The following GRAP2 variants were observed in gnomAD, a reference collection of about 807,000 sequenced individuals.
GRAP2 encodes the protein GRB2 related adaptor protein 2, also known as GRB2-related adapter protein 2.
A neutral mutation model predicts 43.5 loss-of-function variants in GRAP2; 31 were observed. The ratio of observed to expected loss-of-function variants is 0.71; its 90% CI spans 0.54 to 0.96. The LOEUF (loss-of-function observed/expected upper bound fraction) is 0.96, where lower values mean the gene tolerates loss of function less well. GRAP2 is among the 40% of genes least tolerant of loss of function. GRAP2 has a pLI of 0.00. For synonymous variants in GRAP2, 156 were observed against 164.8 expected, an observed-to-expected ratio of 0.95 and a Z score of 0.41; for missense variants, 371 against 424.4, an observed-to-expected ratio of 0.87 and a Z score of 1.11.
At chr22:39,916,329 CA>C (rs1485916764) in intron 1 of GRAP2, among the ~76,000 whole-genome samples, 1 of 152,158 alleles carries the variant, frequency 6.6e-6, no homozygotes. Flanking sequence ...TCCACGGACC[CA>C]AAACATCCTG....
chr22:39,910,567 C>T (rs1285680221), intron 1 of GRAP2, among the ~76,000 whole-genome samples: 1 of 151,962 alleles, frequency 6.6e-6, no homozygotes, highest in African/African-American at 2.4e-5. Context: ...CGCCACCACG[C>T]CCGGCTAATT....
chr22:39,920,963 C>T (rs1436551065), intron 1 of GRAP2, among the ~76,000 whole-genome samples: 1 of 151,552 alleles, frequency 6.6e-6, no homozygotes, highest in Non-Finnish European at 1.5e-5. Context: ...CACACACACA[C>T]ACACACACAC....
upstream of GRAP2, among the ~76,000 whole-genome samples, chr22:39,897,171 T>C (rs190901778): frequency 1.4e-3 from 217 of 152,286 alleles, 1 homozygote; most frequent in African/African-American, 5.0e-3. Context: ...CTCCTGGTCT[T>C]GCCTTCCAAA....
intron 1 of GRAP2, among the ~76,000 whole-genome samples, chr22:39,909,221 A>G (rs1272287283): frequency 3.3e-5 from 5 of 152,250 alleles, no homozygotes; most frequent in Non-Finnish European, 7.3e-5. Context: ...TTATGAGTTG[A>G]CACTTGGTAC....
the GRAP2 span, among the ~76,000 whole-genome samples, chr22:39,895,846 G>C: frequency 6.6e-6 from 1 of 152,316 alleles, no homozygotes; most frequent in Non-Finnish European, 1.5e-5. Context: ...AGGGGGACTT[G>C]TCTATATTTG....
chr22:39,960,625 G>A (rs2067109533), intron 4 of GRAP2: 1 of 159,014 alleles, frequency 6.3e-6, no homozygotes, highest in Non-Finnish European at 1.4e-5. Flanking sequence ...AGAAGAGTCA[G>A]AGAAAAATAG....
chr22:39,895,673 G>A, the GRAP2 span, among the ~76,000 whole-genome samples: 2 of 152,294 alleles, frequency 1.3e-5, no homozygotes, highest in South Asian at 2.1e-4. Context: ...TGTGGAATAT[G>A]CATACATTCT....
Position 39,901,331 on chromosome 22 carries a change from G to T in GRAP2, c.-15+1G>T, listed in dbSNP as rs1423297101. On this transcript the variant is annotated splice_donor_variant, in intron 1 of 7. Coordinates refer to ENST00000344138, the MANE Select transcript of GRAP2 (RefSeq NM_004810.4). LOFTEE classifies it low-confidence loss of function (5UTR_SPLICE). The stretch of plus-strand genomic sequence containing the variant: ...AACTCAACCCCTTCTCTTCCAAAAG[G>T]TATGTCATTATACAACATCTGTACA... 4 of 1,149,696 alleles carry T rather than the reference G, an allele frequency of 3.5e-6. No individual in the cohort carries two copies. The highest frequency in any genetic ancestry group is 1.6e-5 in the African/African-American group (1 of 63,186). The allele number at this position is 1,149,696 out of a possible 1,614,324, so 71.2% of individuals were successfully genotyped here.
Position 39,967,915 on chromosome 22 carries a change from C to T in GRAP2, c.460-127C>T, listed in dbSNP as rs1012605810. The T allele has an allele frequency of 1.8e-5, 22 of 1,202,054 alleles. No individual in the cohort carries two copies. In the Admixed American group the frequency reaches 2.9e-4, roughly 16 times the overall value. 74.5% of individuals were successfully genotyped at this position (1,202,054 alleles called of 1,614,324 possible). ...TAAAGCATCAATTATCTTTTAGCTGCCCCCACCCCACCAGCTATTTCTTGG... is the reference window on the plus strand; with the variant it reads ...TAAAGCATCAATTATCTTTTAGCTGTCCCCACCCCACCAGCTATTTCTTGG... On this transcript the variant is annotated intron_variant, in intron 5 of 7. Coordinates refer to ENST00000344138, the MANE Select transcript of GRAP2 (RefSeq NM_004810.4).
At chr22:39,949,808 G>A (rs1020033129) in intron 2 of GRAP2, among the ~76,000 whole-genome samples, 1 of 152,142 alleles carries the variant, frequency 6.6e-6, no homozygotes, top group African/African-American at 2.4e-5. Context: ...ATCCATCCCC[G>A]CTGCTTCTGA....
rs117722631 is a variant in GRAP2, at chr22:39,967,379, A to G, written c.460-663A>G. On this transcript the variant is annotated intron_variant, in intron 5 of 7. Transcript: ENST00000344138. ...GAGAAGCAATATAAAATTGCATTAA[A>G]TGGGATTAAATGAGTTGATATTTGT... Among the ~76,000 whole-genome samples the G allele has an allele frequency of 1.5e-4, 23 of 152,336 alleles. No individual in the cohort carries two copies. In the East Asian group the frequency reaches 3.1e-3, roughly 20 times the overall value.
chr22:39,933,928 G>A (rs572035650), intron 1 of GRAP2, among the ~76,000 whole-genome samples: 9 of 152,284 alleles, frequency 5.9e-5, no homozygotes, highest in African/African-American at 2.2e-4. Context: ...GGAGAATAGG[G>A]TGGAGGAGGA....
At chr22:39,897,198 C>A (rs2066469327), upstream of GRAP2, among the ~76,000 whole-genome samples, 1 of 152,164 alleles carries the variant, frequency 6.6e-6, no homozygotes, top group Admixed American at 6.5e-5. Context: ...CTCCCACGGT[C>A]TCTCCTGTCT....
At chr22:39,936,099 T>C (rs552952228) in intron 1 of GRAP2, among the ~76,000 whole-genome samples, 4 of 152,158 alleles carry the variant, frequency 2.6e-5, no homozygotes, top group African/African-American at 4.8e-5. Context: ...ATGATGTGAA[T>C]AGAAAATGAG....
chr22:39,971,064 G>T lies in GRAP2; in HGVS notation c.973G>T (p.Val325Leu), dbSNP rs1393524015. Residue 325 changes from valine to leucine, a missense_variant, in exon 8 of 8, where the codon GTG (valine) becomes TTG (leucine). By Grantham distance (32) the Val-to-Leu change is conservative. Transcript: ENST00000344138. ...NKLGLFPANY[V>L]APMTR ...GCTGGGCCTCTTCCCTGCCAACTAC[G>T]TGGCACCCATGACCCGATAAACTCT... The T allele has an allele frequency of 6.2e-7, 1 of 1,613,004 alleles. No individual in the cohort carries two copies. Among genetic ancestry groups the T allele is most frequent in the South Asian group, 1.1e-5 (1 of 91,002 alleles).
intron 4 of GRAP2, among the ~76,000 whole-genome samples, chr22:39,962,243 T>C (rs1022385355): frequency 1.3e-5 from 2 of 152,122 alleles, no homozygotes; most frequent in African/African-American, 4.8e-5. Context: ...GGGCAACTAG[T>C]GAGACCTCAT....
intron 1 of GRAP2, among the ~76,000 whole-genome samples, chr22:39,935,856 G>A (rs1454491693): frequency 6.6e-6 from 1 of 152,210 alleles, no homozygotes; most frequent in Non-Finnish European, 1.5e-5. Flanking sequence ...CCAGGGCACA[G>A]GCAGTGAGGA....
rs1010109754 is a variant in GRAP2, at chr22:39,973,671, G to A, written c.*2587G>A. On this transcript the variant is annotated 3_prime_UTR_variant, in exon 8 of 8. Transcript: ENST00000344138. ...CAAACTGTCCACATTATGGAGGGGA[G>A]GGGGAAAGAGAGCTCAACCCCCCTC... is the stretch of plus-strand genomic sequence containing the variant. 1 of 152,242 alleles carries A rather than the reference G, an allele frequency of 6.6e-6. No homozygotes were observed. The highest frequency in any genetic ancestry group is 1.5e-5 in the Non-Finnish European group (1 of 68,066). 9.4% of individuals were successfully genotyped at this position (152,242 alleles called of 1,614,324 possible).
intron 1 of GRAP2, among the ~76,000 whole-genome samples, chr22:39,924,578 T>A (rs1242029595): frequency 2.0e-5 from 3 of 152,088 alleles, no homozygotes; most frequent in African/African-American, 7.2e-5. Context: ...GGTGGGCGCC[T>A]GCAATCCTAG....
Sources: gnomAD v4.1 joint callset for allele counts (sites outside exome capture counted in the v4.1 genomes callset) on GRCh38, gnomAD v4.1.1 for gene constraint, MANE v1.5 for transcripts, NCBI Gene and HGNC (gene_info 2026-07-23, HGNC 2026-07-21) for gene names.